The following EEFSEC variants were observed in gnomAD, a reference collection of about 807,000 sequenced individuals.
EEFSEC encodes the protein eukaryotic elongation factor, selenocysteine-tRNA specific.
EEFSEC carries 43 observed loss-of-function variants against 42.1 expected under a neutral mutation model. That is an observed-to-expected ratio of 1.02 (90% CI 0.80 to 1.32). The LOEUF (loss-of-function observed/expected upper bound fraction) is 1.32, where lower values mean the gene tolerates loss of function less well. Among genes scored for constraint, EEFSEC ranks in the 40% most tolerant of loss-of-function variants. EEFSEC has a pLI of 0.00. For synonymous variants in EEFSEC, 354 were observed against 339.1 expected (o/e 1.04, Z -0.48); for missense variants, 745 against 803.6 (o/e 0.93, Z 0.88).
intron 4 of EEFSEC, among the ~76,000 whole-genome samples, chr3:128,332,612 C>T (rs538950995): frequency 4.0e-4 from 61 of 152,266 alleles, no homozygotes; most frequent in Admixed American, 1.3e-3. Flanking sequence ...CCATAATGCC[C>T]GGCTAATTTT....
intron 6 of EEFSEC, among the ~76,000 whole-genome samples, chr3:128,390,485 C>G (rs1167950345): frequency 6.6e-6 from 1 of 152,224 alleles, no homozygotes; most frequent in East Asian, 1.9e-4. Context: ...TGTGAATCAC[C>G]TTCGCCAAAT....
chr3:128,421,631 C>T, the EEFSEC span, among the ~76,000 whole-genome samples: 1 of 152,194 alleles, frequency 6.6e-6, no homozygotes, highest in East Asian at 1.9e-4. Flanking sequence ...GACCTCTGGA[C>T]GACCTCCCGG....
Position 128,153,736 on chromosome 3 carries a change from G to C in EEFSEC, c.229G>C (p.Ala77Pro). 1 of 1,545,944 alleles carries C rather than the reference G, an allele frequency of 6.5e-7. No homozygotes were observed. Among genetic ancestry groups the C allele is most frequent in the Non-Finnish European group, 8.7e-7 (1 of 1,155,750 alleles). The change falls in exon 1 of 7, where the codon GCC (alanine) becomes CCC (proline). Residue 77 changes from alanine (A) to proline (P), a missense_variant. Physicochemically the swap from Ala to Pro is conservative, Grantham distance 27. Coordinates refer to ENST00000254730, the MANE Select transcript of EEFSEC (RefSeq NM_021937.5). ...GCCCGAGTTCCAGGCAGCGCCCGAG[G>C]CCGAGCCCGAGCCCGGCGAGCCACT... ...SLPEFQAAPE[A>P]EPEPGEPLLQ... is the part of the protein sequence containing the mutation.
rs190016672 is a variant in EEFSEC at position 128,255,147 on chromosome 3, C to T, written c.525-6981C>T. Among the ~76,000 whole-genome samples, 50 of 152,162 alleles carry T rather than the reference C, an allele frequency of 3.3e-4. 1 individual carries two copies. In the South Asian group the frequency reaches 4.2e-3, roughly 13 times the overall value. On this transcript the variant is annotated intron_variant, in intron 2 of 6. Coordinates refer to ENST00000254730, the MANE Select transcript of EEFSEC (RefSeq NM_021937.5). ...CTTGGCTGGGGATGCGGTTTGGGAG[C>T]GGCCCACAAGGGGGCTGTGGCCCTC...
intron 4 of EEFSEC, among the ~76,000 whole-genome samples, chr3:128,337,438 G>A (rs555641459): frequency 6.6e-6 from 1 of 152,328 alleles, no homozygotes; most frequent in Admixed American, 6.5e-5. Flanking sequence ...GGCTTGATGG[G>A]GAGGAGGAGG....
intron 6 of EEFSEC, among the ~76,000 whole-genome samples, chr3:128,403,567 A>C (rs891771441): frequency 1.3e-4 from 20 of 152,182 alleles, no homozygotes; most frequent in African/African-American, 4.8e-4. Context: ...TCTGACCCCA[A>C]GTCAGAATGG....
chr3:128,282,742 G>A (rs1203731119), intron 4 of EEFSEC, among the ~76,000 whole-genome samples: 1 of 152,154 alleles, frequency 6.6e-6, no homozygotes. Context: ...TTACCTCCTG[G>A]GAGAGGCAAC....
intron 1 of EEFSEC, among the ~76,000 whole-genome samples, chr3:128,204,763 GC>G (rs1367359094): frequency 6.6e-6 from 1 of 151,998 alleles, no homozygotes; most frequent in Non-Finnish European, 1.5e-5. Context: ...AGCAGTCTGT[GC>G]GTCAGTGAGA....
chr3:128,294,549 T>C (rs1337856628), intron 4 of EEFSEC, among the ~76,000 whole-genome samples: 5 of 152,122 alleles, frequency 3.3e-5, no homozygotes, highest in Non-Finnish European at 7.4e-5. Context: ...GCCCCAGACC[T>C]AAGTCAGACA....
intron 2 of EEFSEC, among the ~76,000 whole-genome samples, chr3:128,259,193 G>A (rs1342724655): frequency 1.3e-5 from 2 of 152,198 alleles, no homozygotes; most frequent in Admixed American, 1.3e-4. Context: ...TGTGTTGCAT[G>A]CTAGACTATA....
At chr3:128,203,898 T>A (rs2065667326) in intron 1 of EEFSEC, among the ~76,000 whole-genome samples, 8 of 152,218 alleles carry the variant, frequency 5.3e-5, no homozygotes. Context: ...TCCCAGGAAT[T>A]CTTAACAGGA....
At chr3:128,196,461 A>G (rs149186661) in intron 1 of EEFSEC, among the ~76,000 whole-genome samples, 2 of 152,396 alleles carry the variant, frequency 1.3e-5, no homozygotes, top group East Asian at 1.9e-4. Flanking sequence ...AAACTAATAC[A>G]GACCTATTTT....
chr3:128,413,345 G>A (rs570358735), downstream of EEFSEC, among the ~76,000 whole-genome samples: 69 of 152,292 alleles, frequency 4.5e-4, no homozygotes, highest in Admixed American at 1.4e-3. Flanking sequence ...GGGCACCAGT[G>A]GGGGAGACGG....
At chr3:128,192,254 C>T (rs1220848378) in intron 1 of EEFSEC, among the ~76,000 whole-genome samples, 3 of 152,108 alleles carry the variant, frequency 2.0e-5, no homozygotes, top group East Asian at 1.9e-4. Flanking sequence ...GCTGATGCCT[C>T]GTTTCTCTCC....
the EEFSEC span, among the ~76,000 whole-genome samples, chr3:128,421,027 C>G: frequency 1.3e-5 from 2 of 152,290 alleles, no homozygotes; most frequent in African/African-American, 4.8e-5. Context: ...TGGCCAGGGC[C>G]AGGAGGGACC....
At chr3:128,389,220 T>A (rs1475161985) in intron 6 of EEFSEC, among the ~76,000 whole-genome samples, 1 of 152,198 alleles carries the variant, frequency 6.6e-6, no homozygotes, top group African/African-American at 2.4e-5. Flanking sequence ...GCAAGGGTGC[T>A]GACACTCACC....
downstream of EEFSEC, among the ~76,000 whole-genome samples, chr3:128,413,436 A>G (rs1000801553): frequency 6.6e-6 from 1 of 152,082 alleles, no homozygotes; most frequent in Non-Finnish European, 1.5e-5. Flanking sequence ...GAGGGACAGC[A>G]TGGACCCTAG....
chr3:128,229,234 C>A (rs1441149824), intron 1 of EEFSEC, among the ~76,000 whole-genome samples: 2 of 152,198 alleles, frequency 1.3e-5, no homozygotes, highest in Non-Finnish European at 2.9e-5. Context: ...GGGCCTCGGT[C>A]CAGAGTGTTG....
intron 1 of EEFSEC, among the ~76,000 whole-genome samples, chr3:128,229,868 GT>G (rs2065942643): frequency 6.6e-6 from 1 of 152,166 alleles, no homozygotes; most frequent in South Asian, 2.1e-4. Flanking sequence ...GGGTGCGGGA[GT>G]TTCTGTTCCC....
Sources: gnomAD v4.1 joint callset for allele counts (sites outside exome capture counted in the v4.1 genomes callset) on GRCh38, gnomAD v4.1.1 for gene constraint, MANE v1.5 for transcripts, NCBI Gene and HGNC (gene_info 2026-07-23, HGNC 2026-07-21) for gene names.